ADGRF5: variants seen among roughly 807,000 people sequenced by gnomAD.
ADGRF5 encodes adhesion G protein-coupled receptor F5, also known as G-protein coupled receptor 116.
A neutral mutation model predicts 132.3 loss-of-function variants in ADGRF5; 75 were observed. The ratio of observed to expected loss-of-function variants is 0.57; its 90% CI spans 0.47 to 0.69. The LOEUF (loss-of-function observed/expected upper bound fraction) is 0.69, where lower values mean the gene tolerates loss of function less well. Ranked by LOEUF, ADGRF5 falls within the 30% of genes least tolerant of loss-of-function variation. The probability of loss-of-function intolerance (pLI) is 0.00; values close to 1 mark genes in which losing one functional copy is unlikely to be tolerated. For missense variants in ADGRF5, 1,516 were observed against 1,630.6 expected (o/e 0.93, Z 1.21); for synonymous variants, 629 against 597.6 (o/e 1.05, Z -0.77).
At position 46,879,897 on chromosome 6, in the gene ADGRF5, G is replaced by A. The variant is rs752769908; in HGVS notation, c.957C>T (p.Phe319=). The change falls in exon 9 of 21, where the codon TTC becomes TTT. Residue 319 remains phenylalanine (F), a synonymous_variant. Coordinates refer to ENST00000283296, the MANE Select transcript of ADGRF5 (RefSeq NM_001098518.2). ...QQLEIQNSSR[F]SIYTALFNNM... is the part of the protein sequence containing the mutation. ...TGTTGAAAAGTGCGGTGTAAATCGA[G>A]AATCTGCTGCTGTTCTGGATTTCCA... is the stretch of plus-strand genomic sequence containing the variant. 6.2e-7 allele frequency: 1 copy of A among 1,614,130 alleles called. No homozygotes were observed. Among genetic ancestry groups the A allele is most frequent in the African/African-American group, 1.3e-5 (1 of 75,044 alleles).
chr6:46,940,116 G>A (rs930292246), intron 1 of ADGRF5, among the ~76,000 whole-genome samples: 9 of 152,048 alleles, frequency 5.9e-5, no homozygotes, highest in Admixed American at 1.3e-4. Flanking sequence ...CAATACTAAT[G>A]ATTGACTTTT....
At chr6:46,892,916 C>T (rs1252038008) in intron 3 of ADGRF5, among the ~76,000 whole-genome samples, 9 of 152,088 alleles carry the variant, frequency 5.9e-5, no homozygotes, top group Non-Finnish European at 1.3e-4. Flanking sequence ...TTTCTAGGCA[C>T]TGCACTAGGA....
rs201493179 is a variant in ADGRF5, at chr6:46,899,255, TG to T, written c.157+773del. Among the ~76,000 whole-genome samples, 38 of 151,342 alleles carry T rather than the reference TG, an allele frequency of 2.5e-4. No individual in the cohort carries two copies. The East Asian group carries it at 5.9e-3, about 23-fold the overall frequency. On this transcript the variant is annotated intron_variant, in intron 3 of 20. Transcript: ENST00000283296. Reference sequence around the variant, plus strand: ...TGAAAGGGAACAGAAGGAGATCAGGTGGGAAAGGCACAGAAGGCCTGGTGAG... The same window carrying T: ...TGAAAGGGAACAGAAGGAGATCAGGTGGAAAGGCACAGAAGGCCTGGTGAG...
chr6:46,884,943 C>T (rs986090543), intron 4 of ADGRF5, among the ~76,000 whole-genome samples: 1 of 152,184 alleles, frequency 6.6e-6, no homozygotes, highest in East Asian at 1.9e-4. Flanking sequence ...TGGCTCACTC[C>T]TATAATCCCA....
intron 1 of ADGRF5, among the ~76,000 whole-genome samples, chr6:46,941,772 T>C (rs531824173): frequency 6.6e-6 from 1 of 152,256 alleles, no homozygotes; most frequent in Admixed American, 6.5e-5. Context: ...GATGGGCTGC[T>C]AGGTTCATCT....
At chr6:46,941,493 A>G in intron 1 of ADGRF5, among the ~76,000 whole-genome samples, 1 of 149,728 alleles carries the variant, frequency 6.7e-6, no homozygotes, top group Non-Finnish European at 1.5e-5. Context: ...AAGAAAGAAA[A>G]GAAAGGCAGG....
chr6:46,865,234 A>G, intron 13 of ADGRF5, 37 bp from the exon 14 acceptor site: 1 of 1,457,848 alleles, frequency 6.9e-7, no homozygotes, highest in Non-Finnish European at 9.6e-7. Flanking sequence ...AAGTCACAAC[A>G]TGAGTCTCTA....
intron 10 of ADGRF5, among the ~76,000 whole-genome samples, chr6:46,874,749 G>A (rs1409091749): frequency 6.6e-6 from 1 of 152,168 alleles, no homozygotes; most frequent in African/African-American, 2.4e-5. Flanking sequence ...AACTGTGTGG[G>A]CTCCAATCCC....
In ADGRF5 at chr6:46,912,556, T is replaced by C. The variant is rs139024396; in HGVS notation, c.-24-5770A>G. 3.0e-3 allele frequency among the ~76,000 whole-genome samples: 455 copies of C among 151,964 alleles called. 2 individuals carry two copies. Among genetic ancestry groups the C allele is most frequent in the Middle Eastern group, 0.017 (5 of 292 alleles). Reference sequence around the variant, plus strand: ...GGACTTGTCATTGCAACAACAGGATTAGGTAAGATTGATTAGGGAGGCAAT... The same window carrying C: ...GGACTTGTCATTGCAACAACAGGATCAGGTAAGATTGATTAGGGAGGCAAT... On this transcript the variant is annotated intron_variant, in intron 1 of 20. Transcript: ENST00000283296.
chr6:46,909,671 A>G (rs759168627), intron 1 of ADGRF5, among the ~76,000 whole-genome samples: 5 of 152,126 alleles, frequency 3.3e-5, no homozygotes, highest in Non-Finnish European at 5.9e-5. Flanking sequence ...TGTTCTTACA[A>G]CCCTTAGAAA....
chr6:46,910,339 G>C (rs112156251), intron 1 of ADGRF5, among the ~76,000 whole-genome samples: 63 of 152,262 alleles, frequency 4.1e-4, no homozygotes, highest in Middle Eastern at 3.4e-3. Context: ...ATGACTGTAG[G>C]ATAGGATTGT....
intron 1 of ADGRF5, among the ~76,000 whole-genome samples, chr6:46,942,640 T>A (rs1283167118): frequency 6.6e-6 from 1 of 152,166 alleles, no homozygotes; most frequent in Non-Finnish European, 1.5e-5. Flanking sequence ...GACCAGAAAA[T>A]CCTAAGACTA....
intron 14 of ADGRF5, among the ~76,000 whole-genome samples, chr6:46,864,632 C>A (rs1436527435): frequency 6.6e-6 from 1 of 151,254 alleles, no homozygotes; most frequent in African/African-American, 2.4e-5. Context: ...TCAAGCGATT[C>A]TTCCGCCTCA....
At chr6:46,905,556 A>C (rs1438356620) in intron 2 of ADGRF5, 1 of 152,210 alleles carries the variant, frequency 6.6e-6, no homozygotes, top group Non-Finnish European at 1.5e-5. Flanking sequence ...CATTGTTTAC[A>C]AGAGAATCAT....
At chr6:46,916,952 C>T (rs1446337688) in intron 1 of ADGRF5, among the ~76,000 whole-genome samples, 1 of 152,198 alleles carries the variant, frequency 6.6e-6, no homozygotes, top group Admixed American at 6.5e-5. Flanking sequence ...TCGCGCTATT[C>T]TTGGTAACTG....
chr6:46,870,664 T>G (rs1770950613), intron 11 of ADGRF5: 1 of 219,832 alleles, frequency 4.5e-6, no homozygotes, highest in African/African-American at 2.4e-5. Context: ...AAAAGGCTCA[T>G]GGAACCATGA....
intron 2 of ADGRF5, chr6:46,903,563 G>A (rs1203397330): frequency 6.6e-6 from 1 of 152,110 alleles, no homozygotes; most frequent in African/African-American, 2.4e-5. Flanking sequence ...CAGGGAACAG[G>A]ATGGCAAACG....
intron 4 of ADGRF5, chr6:46,886,493 C>T (rs1562192859): frequency 6.6e-6 from 1 of 152,164 alleles, no homozygotes; most frequent in Non-Finnish European, 1.5e-5. Flanking sequence ...AGTTGAAGAA[C>T]TTTTGAGTCC....
intron 3 of ADGRF5, among the ~76,000 whole-genome samples, chr6:46,890,444 G>A (rs374207295): frequency 1.3e-5 from 2 of 151,952 alleles, no homozygotes; most frequent in African/African-American, 2.4e-5. Flanking sequence ...TAGGGCGGGC[G>A]CCATGGCTTA....
Sources: allele counts gnomAD v4.1 joint callset (sites outside exome capture counted in the v4.1 genomes callset), GRCh38; gene constraint gnomAD v4.1.1; transcripts MANE v1.5; gene names NCBI Gene and HGNC (gene_info 2026-07-23, HGNC 2026-07-21).